ZFP64: variants seen among roughly 807,000 people sequenced by gnomAD.
ZFP64 encodes ZFP64 zinc finger protein, also known as zinc finger protein 64.
A neutral mutation model predicts 51.6 loss-of-function variants in ZFP64; 14 were observed. The observed-to-expected ratio is 0.27, with a 90% CI of 0.18 to 0.42. The LOEUF (loss-of-function observed/expected upper bound fraction) is 0.42. ZFP64 is among the 10% of genes least tolerant of loss of function. ZFP64 has a pLI of 1.00. For missense variants in ZFP64, 754 were observed against 906.8 expected (o/e 0.83, Z 2.16); for synonymous variants, 375 against 361.4 (o/e 1.04, Z -0.43).
chr20:52,124,036 A>AT (rs1423908229), intron 5 of ZFP64, among the ~76,000 whole-genome samples: 1 of 151,698 alleles, frequency 6.6e-6, no homozygotes, highest in Admixed American at 6.6e-5. Flanking sequence ...TGCCTGACTA[A>AT]TTTTTTTGTA....
chr20:52,120,849 G>T (rs993043987), intron 5 of ZFP64, among the ~76,000 whole-genome samples: 15 of 151,716 alleles, frequency 9.9e-5, no homozygotes, highest in African/African-American at 3.6e-4. Context: ...GATAATTCTT[G>T]TATTTTTAGT....
intron 7 of ZFP64, among the ~76,000 whole-genome samples, chr20:52,094,738 A>AAAAT (rs138950441): frequency 0.19 from 28,683 of 151,054 alleles, 3,055 homozygotes; most frequent in African/African-American, 0.29. Flanking sequence ...ACCCTGTCTC[A>AAAAT]AAATAAATAA....
intron 5 of ZFP64, among the ~76,000 whole-genome samples, chr20:52,155,877 T>C (rs1981277711): frequency 2.0e-5 from 3 of 152,202 alleles, no homozygotes; most frequent in South Asian, 2.1e-4. Flanking sequence ...CAAGTGTTGA[T>C]GTAGTCTATC....
intron 2 of ZFP64, among the ~76,000 whole-genome samples, chr20:52,171,840 T>C (rs567927882): frequency 6.6e-6 from 1 of 151,776 alleles, no homozygotes; most frequent in African/African-American, 2.4e-5. Flanking sequence ...CTCTGCCTCC[T>C]GGGTTCAAGC....
chr20:52,136,405 A>G (rs1979985152), intron 5 of ZFP64, among the ~76,000 whole-genome samples: 1 of 152,142 alleles, frequency 6.6e-6, no homozygotes, highest in Non-Finnish European at 1.5e-5. Flanking sequence ...AATTGACCCA[A>G]TTAATGACAA....
At chr20:52,162,340 T>C (rs1288137640) in intron 4 of ZFP64, among the ~76,000 whole-genome samples, 4 of 150,184 alleles carry the variant, frequency 2.7e-5, no homozygotes, top group African/African-American at 7.4e-5. Flanking sequence ...TTAAACATTT[T>C]AGTAGGCTGG....
chr20:52,134,028 CAAA>C (rs59218544), intron 5 of ZFP64, among the ~76,000 whole-genome samples: 43,171 of 98,068 alleles, frequency 0.44, 7,300 homozygotes, highest in Admixed American at 0.47. Context: ...GATCCTGTCT[CAAA>C]AAAAAAAAAA....
At position 52,142,948 on chromosome 20, in the gene ZFP64, C is replaced by T. The variant is rs8124225; in HGVS notation, c.763+17175G>A. 4.8e-4 allele frequency among the ~76,000 whole-genome samples: 68 copies of T among 141,986 alleles called. 6 individuals are homozygous for T. The highest frequency in any genetic ancestry group is 1.4e-3 in the African/African-American group (55 of 39,868). The allele number at this position is 141,986 out of a possible 152,430, so 93.1% of individuals were successfully genotyped here. A position where few individuals can be genotyped will look rare whatever the true frequency, so the allele number is the denominator to read the frequency against. On this transcript the variant is annotated intron_variant, in intron 5 of 8. Transcript: ENST00000361387. ...TACAGCTACCCCAACCTTCAGCAAC[C>T]ACAACCCTGATAAGTCAGCAGCCAT...
chr20:52,084,500 G>A, exon 9 of ZFP64: 6 of 1,522,404 alleles, frequency 3.9e-6, no homozygotes, highest in Non-Finnish European at 5.3e-6. Context: ...ACCTCTGGAG[G>A]GCTGGGCAAC....
exon 9 of ZFP64, chr20:52,084,899 C>T (rs759940273): frequency 1.5e-5 from 25 of 1,613,518 alleles, no homozygotes; most frequent in South Asian, 1.5e-4. Flanking sequence ...TGGGCCGCTT[C>T]GTGTCGAAGC....
At chr20:52,084,532 C>G in exon 9 of ZFP64, 1 of 1,594,940 alleles carries the variant, frequency 6.3e-7, no homozygotes, top group South Asian at 1.1e-5. Flanking sequence ...GAAGTTCCGA[C>G]AGCTGACCAC....
At chr20:52,116,640 G>A (rs1228288024) in intron 5 of ZFP64, among the ~76,000 whole-genome samples, 1 of 151,980 alleles carries the variant, frequency 6.6e-6, no homozygotes, top group African/African-American at 2.4e-5. Flanking sequence ...AAGACAAAGT[G>A]TACAAATTAT....
chr20:52,162,072 CA>C (rs1679757845), intron 4 of ZFP64, among the ~76,000 whole-genome samples: 1 of 151,914 alleles, frequency 6.6e-6, no homozygotes, highest in Non-Finnish European at 1.5e-5. Context: ...CCGAGGCAGG[CA>C]GATCACTTGA....
intron 7 of ZFP64, among the ~76,000 whole-genome samples, chr20:52,094,702 C>T (rs573929390): frequency 6.6e-6 from 1 of 152,258 alleles, no homozygotes; most frequent in East Asian, 1.9e-4. Flanking sequence ...TACTGCATTC[C>T]AGCCTGGGTG....
intron 1 of ZFP64, among the ~76,000 whole-genome samples, chr20:52,188,377 C>T (rs1251283341): frequency 7.7e-5 from 10 of 129,896 alleles, no homozygotes; most frequent in East Asian, 2.3e-4. Flanking sequence ...TGCAGTGGTG[C>T]GATCTCGGCT....
rs1235064788 is a variant in ZFP64, at chr20:52,160,211, G to A, written c.675C>T (p.His225=). Residue 225 remains histidine (H), a synonymous_variant, in exon 5 of 6, where the codon CAC becomes CAT. Coordinates refer to ENST00000216923, the MANE Select transcript of ZFP64 (RefSeq NM_018197.3). This position sits in a 1 kb window ranked among gnomAD's most constrained non-coding sequence, Gnocchi z 4.2. ...SSSLNKHLRI[H]SDERPFKCQI... ...GGCATTTGAAGGGCCGCTCGTCCGAGTGGATCCTCAGGTGCTTGTTGAGGC... is the reference window on the plus strand; with the variant it reads ...GGCATTTGAAGGGCCGCTCGTCCGAATGGATCCTCAGGTGCTTGTTGAGGC... 10 of 1,614,186 alleles carry A rather than the reference G, an allele frequency of 6.2e-6. No individual in the cohort carries two copies. Among genetic ancestry groups the A allele is most frequent in the Non-Finnish European group, 8.5e-6 (10 of 1,180,040 alleles).
chr20:52,149,032 G>A (rs937600655), downstream of ZFP64, among the ~76,000 whole-genome samples: 2 of 152,148 alleles, frequency 1.3e-5, no homozygotes, highest in Admixed American at 6.6e-5. Context: ...GTTCATAGAA[G>A]AGAGAAGCAC....
chr20:52,094,730 C>G (rs1028211622), intron 7 of ZFP64, among the ~76,000 whole-genome samples: 3 of 149,968 alleles, frequency 2.0e-5, no homozygotes, highest in African/African-American at 7.5e-5. Context: ...AAGAGAAGAC[C>G]CTGTCTCAAA....
chr20:52,114,824 C>CA (rs547724555), intron 5 of ZFP64, among the ~76,000 whole-genome samples: 21 of 149,660 alleles, frequency 1.4e-4, no homozygotes, highest in Admixed American at 2.7e-4. Context: ...ATTGTTGTAG[C>CA]AAAAAAAAAT....
Sources: gnomAD v4.1 joint callset for allele counts (sites outside exome capture counted in the v4.1 genomes callset) on GRCh38, gnomAD v4.1.1 for gene constraint, Gnocchi (gnomAD v3.1) non-coding constraint, MANE v1.5 for transcripts, NCBI Gene and HGNC (gene_info 2026-07-23, HGNC 2026-07-21) for gene names.